Variants in TMEM135 observed in about 807,000 individuals in gnomAD.
The protein encoded by TMEM135 is transmembrane protein 135, also known as peroxisomal membrane protein 52.
Under a neutral mutation model 60.3 loss-of-function variants are expected in TMEM135, and 30 were observed. The ratio of observed to expected loss-of-function variants is 0.50; its 90% CI spans 0.37 to 0.68. TMEM135 has a LOEUF of 0.68. TMEM135 is among the 30% of genes least tolerant of loss of function. TMEM135 has a pLI of 0.00. For missense variants in TMEM135, 468 were observed against 548.8 expected, an observed-to-expected ratio of 0.85 and a Z score of 1.47; for synonymous variants, 190 against 186.7, an observed-to-expected ratio of 1.02 and a Z score of -0.14.
chr11:87,252,425 T>C (rs1209429273), intron 6 of TMEM135, among the ~76,000 whole-genome samples: 1 of 152,184 alleles, frequency 6.6e-6, no homozygotes, highest in Non-Finnish European at 1.5e-5. Flanking sequence ...AATCTAATGC[T>C]CGTGGCTTTC....
intron 1 of TMEM135, among the ~76,000 whole-genome samples, chr11:87,060,893 C>T (rs1183790302): frequency 5.9e-5 from 9 of 152,098 alleles, no homozygotes; most frequent in African/African-American, 1.4e-4. Flanking sequence ...CTGCCCGCCT[C>T]GGCCTCCCAA....
chr11:87,321,322 G>T lies in TMEM135; in HGVS notation c.1366G>T (p.Glu456Ter). ...AACTGTAACACCAGAGTTGCCCACA[G>T]AGTTTTCCTGAAGATGACTGTAACT... Reference protein sequence around the residue: ...YTTVTPELPTEFS With the variant: ...YTTVTPELPT Residue 456 changes from glutamate (E) to a stop codon, truncating the protein, a stop_gained, in exon 15 of 15, where the codon GAG becomes TAG. Coordinates refer to ENST00000305494, the MANE Select transcript of TMEM135 (RefSeq NM_022918.4). LOFTEE classifies it high-confidence loss of function. 6.2e-7 allele frequency: 1 copy of T among 1,613,604 alleles called. No individual in the cohort carries two copies. Among genetic ancestry groups the T allele is most frequent in the East Asian group, 2.2e-5 (1 of 44,854 alleles).
intron 7 of TMEM135, among the ~76,000 whole-genome samples, chr11:87,296,424 CTAATT>C (rs1168890300): frequency 6.6e-6 from 1 of 152,130 alleles, no homozygotes; most frequent in Non-Finnish European, 1.5e-5. Context: ...GAATATTTGA[CTAATT>C]TAACATCACA....
At chr11:87,209,918 G>T (rs911528286) in intron 5 of TMEM135, among the ~76,000 whole-genome samples, 11 of 152,138 alleles carry the variant, frequency 7.2e-5, no homozygotes, top group African/African-American at 1.7e-4. Context: ...GCTCTTGAAT[G>T]ACTTTTGGCT....
At chr11:87,054,657 T>A (rs1004458090) in intron 1 of TMEM135, among the ~76,000 whole-genome samples, 1 of 152,204 alleles carries the variant, frequency 6.6e-6, no homozygotes, top group Non-Finnish European at 1.5e-5. Context: ...GATTCTTACT[T>A]GATCTTGGGG....
At chr11:87,206,722 G>A (rs886872848) in intron 5 of TMEM135, among the ~76,000 whole-genome samples, 2 of 152,116 alleles carry the variant, frequency 1.3e-5, no homozygotes, top group Admixed American at 1.3e-4. Flanking sequence ...AACGTATTTT[G>A]ACAGGATACT....
At chr11:87,313,039 T>G (rs1037145065) in intron 10 of TMEM135, among the ~76,000 whole-genome samples, 2 of 151,886 alleles carry the variant, frequency 1.3e-5, no homozygotes, top group African/African-American at 4.8e-5. Flanking sequence ...TGTTTCACCT[T>G]CAGTTTTAAG....
At chr11:87,247,593 G>C (rs1334865449) in intron 6 of TMEM135, among the ~76,000 whole-genome samples, 1 of 152,160 alleles carries the variant, frequency 6.6e-6, no homozygotes, top group Non-Finnish European at 1.5e-5. Flanking sequence ...CTGCCACCTT[G>C]CAGTTTGATC....
intron 5 of TMEM135, among the ~76,000 whole-genome samples, chr11:87,184,728 A>ATG (rs1188268914): frequency 6.6e-6 from 1 of 152,084 alleles, no homozygotes; most frequent in Non-Finnish European, 1.5e-5. Flanking sequence ...TTTGTATTGA[A>ATG]TGCCTGTAGC....
At chr11:87,130,394 A>G (rs1214816301) in intron 4 of TMEM135, among the ~76,000 whole-genome samples, 4 of 152,208 alleles carry the variant, frequency 2.6e-5, no homozygotes, top group Admixed American at 2.0e-4. Flanking sequence ...TGGATGAACA[A>G]ACTGGAAGTT....
intron 5 of TMEM135, among the ~76,000 whole-genome samples, chr11:87,192,167 T>G (rs1591091548): frequency 6.6e-6 from 1 of 150,582 alleles, no homozygotes; most frequent in Admixed American, 6.6e-5. Flanking sequence ...TTTTTTTGTA[T>G]TTTAGTAGAG....
intron 5 of TMEM135, among the ~76,000 whole-genome samples, chr11:87,195,085 A>G (rs1397364523): frequency 6.6e-6 from 1 of 152,164 alleles, no homozygotes; most frequent in East Asian, 1.9e-4. Context: ...TGTTATCTGA[A>G]GGAAGCTTAT....
chr11:87,305,804 T>TAAATAAATAAATAAAGAAAG (rs1026222945), intron 8 of TMEM135, 132 bp from the exon 9 acceptor site: 15 of 412,336 alleles, frequency 3.6e-5, no homozygotes, highest in Non-Finnish European at 5.6e-5. Context: ...AATAAATAAA[T>TAAATAAATAAATAAAGAAAG]AAAGTGATGT....
chr11:87,218,777 T>A (rs1940556712), intron 5 of TMEM135, among the ~76,000 whole-genome samples: 1 of 151,968 alleles, frequency 6.6e-6, no homozygotes, highest in Non-Finnish European at 1.5e-5. Flanking sequence ...GCCCGGCCAA[T>A]ATGGTGAAAC....
chr11:87,039,857 T>G (rs1854158616), intron 1 of TMEM135, among the ~76,000 whole-genome samples: 1 of 152,248 alleles, frequency 6.6e-6, no homozygotes, highest in African/African-American at 2.4e-5. Context: ...TGCCTGATAC[T>G]TGTTATATCA....
intron 1 of TMEM135, among the ~76,000 whole-genome samples, chr11:87,066,019 T>C (rs1160566189): frequency 1.3e-5 from 2 of 152,118 alleles, no homozygotes; most frequent in Non-Finnish European, 2.9e-5. Context: ...TGTATGAGAG[T>C]TGAATCGAAG....
chr11:87,107,228 T>C (rs1240670693), intron 4 of TMEM135, among the ~76,000 whole-genome samples: 1 of 152,202 alleles, frequency 6.6e-6, no homozygotes, highest in Admixed American at 6.5e-5. Context: ...TTTATCCATT[T>C]CTTTTAGGTT....
intron 9 of TMEM135, among the ~76,000 whole-genome samples, chr11:87,307,181 T>A (rs1420390073): frequency 6.6e-6 from 1 of 152,138 alleles, no homozygotes; most frequent in Non-Finnish European, 1.5e-5. Flanking sequence ...GGAGGAACTG[T>A]CCCACATTAG....
At chr11:87,102,730 A>G (rs201727731) in intron 4 of TMEM135, among the ~76,000 whole-genome samples, 20 of 109,742 alleles carry the variant, frequency 1.8e-4, no homozygotes, top group East Asian at 9.4e-4. Flanking sequence ...ATATATATGT[A>G]TATATATATG....
Sources: gnomAD v4.1 joint callset for allele counts (sites outside exome capture counted in the v4.1 genomes callset) on GRCh38, gnomAD v4.1.1 for gene constraint, MANE v1.5 for transcripts, NCBI Gene and HGNC (gene_info 2026-07-23, HGNC 2026-07-21) for gene names.